The following TXLNB variants were observed in gnomAD, a reference collection of about 807,000 sequenced individuals.
TXLNB encodes the protein taxilin beta.
A neutral mutation model predicts 57.4 loss-of-function variants in TXLNB; 37 were observed. The observed-to-expected ratio is 0.64, with a 90% CI of 0.50 to 0.85. The LOEUF is 0.85. Ranked by LOEUF, TXLNB falls within the 40% of genes least tolerant of loss-of-function variation. The pLI is 0.00. For synonymous variants in TXLNB, 302 were observed against 309.6 expected, an observed-to-expected ratio of 0.98 and a Z score of 0.26; for missense variants, 848 against 825.6, an observed-to-expected ratio of 1.03 and a Z score of -0.33.
intron 6 of TXLNB, among the ~76,000 whole-genome samples, chr6:139,257,593 C>T (rs964469077): frequency 6.6e-6 from 1 of 152,052 alleles, no homozygotes; most frequent in Non-Finnish European, 1.5e-5. Flanking sequence ...TCGGTCAGTG[C>T]GTTTTACAGA....
At chr6:139,280,155 G>A (rs1387880050) in intron 2 of TXLNB, among the ~76,000 whole-genome samples, 1 of 150,672 alleles carries the variant, frequency 6.6e-6, no homozygotes, top group African/African-American at 2.4e-5. Flanking sequence ...TGGAGGCTGA[G>A]GCAGGAGAAT....
intron 6 of TXLNB, among the ~76,000 whole-genome samples, chr6:139,257,117 GTTTT>G (rs1163591417): frequency 6.6e-6 from 1 of 152,052 alleles, no homozygotes; most frequent in African/African-American, 2.4e-5. Context: ...AGTTCAGAGG[GTTTT>G]TTGTTTGGTT....
chr6:139,205,057 T>C, the TXLNB span, among the ~76,000 whole-genome samples: 1 of 152,060 alleles, frequency 6.6e-6, no homozygotes, highest in Non-Finnish European at 1.5e-5. Context: ...GGACATAAAC[T>C]CTTGGGAGCC....
At position 139,276,941 on chromosome 6, in the gene TXLNB, A is replaced by G. The variant is rs777354630; in HGVS notation, c.425-20T>C. 7.7e-6 allele frequency: 12 copies of G among 1,565,146 alleles called. No individual in the cohort carries two copies. In the African/African-American group the frequency reaches 1.5e-4, roughly 20 times the overall value. ...CTTTGCCTTAAAAAAAAAAGACATG[A>G]AAAAAATAAGTGTTGAATTTACAGT... is the stretch of plus-strand genomic sequence containing the variant. On this transcript the variant is annotated intron_variant, in intron 2 of 9. Transcript: ENST00000358430.
At chr6:139,167,158 G>A in the TXLNB span, 1 of 1,614,192 alleles carries the variant, frequency 6.2e-7, no homozygotes. Context: ...ACTTGCGGAA[G>A]TTCATTCTGG....
the TXLNB span, among the ~76,000 whole-genome samples, chr6:139,220,558 G>A: frequency 1.3e-5 from 2 of 152,278 alleles, no homozygotes; most frequent in Non-Finnish European, 1.5e-5. Context: ...GGATCCATAT[G>A]TGTGTCATCA....
chr6:139,217,864 C>CAAAAAA, the TXLNB span, among the ~76,000 whole-genome samples: 305 of 48,474 alleles, frequency 6.3e-3, no homozygotes, highest in Non-Finnish European at 9.5e-3. Flanking sequence ...GCAAGAGTCT[C>CAAAAAA]AAAAAAAAAA....
chr6:139,242,735 G>C lies in TXLNB; in HGVS notation c.1846C>G (p.Gln616Glu), dbSNP rs1420261273. 2 of 1,613,494 alleles carry C rather than the reference G, an allele frequency of 1.2e-6. No individual in the cohort carries two copies. Among genetic ancestry groups the C allele is most frequent in the South Asian group, 2.2e-5 (2 of 91,020 alleles). Residue 616 changes from glutamine (Q) to glutamate (E), a missense_variant, in exon 10 of 10, where the codon CAG becomes GAG. Gln to Glu is a conservative substitution (Grantham distance 29). Transcript: ENST00000358430. ...PEAEASGQAP[Q>E]APTEASLQKM... ...TGTAGGGAGGCCTCGGTGGGAGCCT[G>C]TGGGGCCTGACCGGAAGCTTCTGCC... is the stretch of plus-strand genomic sequence containing the variant.
In TXLNB at chr6:139,243,201, G is replaced by A. The variant is rs1775994307; in HGVS notation, c.1380C>T (p.Asp460=). 3.1e-6 allele frequency: 5 copies of A among 1,614,068 alleles called. No homozygotes were observed. Among genetic ancestry groups the A allele is most frequent in the Middle Eastern group, 1.6e-4 (1 of 6,062 alleles). Residue 460 remains aspartate (D), a synonymous_variant, in exon 10 of 10, where the codon GAC becomes GAT. Coordinates refer to ENST00000358430, the MANE Select transcript of TXLNB (RefSeq NM_153235.4). ...ERNELHKKIR[D]AEISEKDDQS... ...GGTCATCCTTTTCAGATATTTCTGC[G>A]TCTCTGATTTTTTTGTGGAGTTCGT... is the stretch of plus-strand genomic sequence containing the variant.
intron 3 of TXLNB, among the ~76,000 whole-genome samples, chr6:139,274,758 T>A (rs1236958808): frequency 2.6e-5 from 4 of 152,114 alleles, no homozygotes; most frequent in African/African-American, 9.7e-5. Context: ...TGTATTAGTC[T>A]AGAATGCTGC....
rs547723537 is a variant in TXLNB at position 139,282,449 on chromosome 6, T to C, written c.425-5528A>G. Among the ~76,000 whole-genome samples, 28 of 145,196 alleles carry C rather than the reference T, an allele frequency of 1.9e-4. 3 individuals carry two copies. Among genetic ancestry groups the C allele is most frequent in the Admixed American group, 4.7e-4 (7 of 14,798 alleles). On this transcript the variant is annotated intron_variant, in intron 2 of 9. Transcript: ENST00000358430. ...AAAATTGGCCATGCATGGTGGCACG[T>C]GGCTGTAATCCTAGCTACATGGGAG...
intron 2 of TXLNB, among the ~76,000 whole-genome samples, chr6:139,284,894 G>A (rs752910851): frequency 2.1e-5 from 3 of 146,020 alleles, no homozygotes; most frequent in Non-Finnish European, 3.1e-5. Flanking sequence ...TACAAGTTGA[G>A]GTTAGCCTAA....
chr6:139,313,364 G>T, the TXLNB span, among the ~76,000 whole-genome samples: 1 of 152,056 alleles, frequency 6.6e-6, no homozygotes, highest in Non-Finnish European at 1.5e-5. Flanking sequence ...GAGCCGCTGC[G>T]CCCGGCCTGT....
At chr6:139,283,326 C>T (rs2114622249) in intron 2 of TXLNB, among the ~76,000 whole-genome samples, 1 of 142,904 alleles carries the variant, frequency 7.0e-6, no homozygotes. Context: ...CCTGTAATCC[C>T]AGCACTTTGG....
At chr6:139,286,588 C>T (rs34320498) in intron 2 of TXLNB, among the ~76,000 whole-genome samples, 1 of 152,058 alleles carries the variant, frequency 6.6e-6, no homozygotes, top group Non-Finnish European at 1.5e-5. Context: ...GGTACCAGTC[C>T]GTGGCCTGTT....
At chr6:139,298,399 G>A in the TXLNB span, among the ~76,000 whole-genome samples, 1 of 152,114 alleles carries the variant, frequency 6.6e-6, no homozygotes, top group Admixed American at 6.5e-5. Flanking sequence ...TGACATTGCT[G>A]CATGCATTCT....
chr6:139,256,629 A>G (rs1377227868), intron 6 of TXLNB, among the ~76,000 whole-genome samples: 2 of 152,238 alleles, frequency 1.3e-5, no homozygotes, highest in African/African-American at 4.8e-5. Context: ...TGCCCGGCCA[A>G]CAACTGTTTC....
downstream of TXLNB, among the ~76,000 whole-genome samples, chr6:139,238,478 T>C (rs770428782): frequency 3.2e-4 from 48 of 152,170 alleles, no homozygotes; most frequent in Non-Finnish European, 3.1e-4. Flanking sequence ...TACCTCCGTA[T>C]TTATGTATAT....
At chr6:139,214,713 T>A in the TXLNB span, among the ~76,000 whole-genome samples, 1 of 152,216 alleles carries the variant, frequency 6.6e-6, no homozygotes, top group African/African-American at 2.4e-5. Flanking sequence ...ATGACACGAT[T>A]GTATATCTAG....
Sources: gnomAD v4.1 joint callset for allele counts (sites outside exome capture counted in the v4.1 genomes callset) on GRCh38, gnomAD v4.1.1 for gene constraint, MANE v1.5 for transcripts, NCBI Gene and HGNC (gene_info 2026-07-23, HGNC 2026-07-21) for gene names.